Variants in CDH4 observed in about 807,000 individuals in gnomAD.
CDH4 encodes cadherin 4, also known as cadherin-4.
A neutral mutation model predicts 86.0 loss-of-function variants in CDH4; 33 were observed. The observed-to-expected ratio is 0.38, with a 90% CI of 0.29 to 0.51. The LOEUF is 0.51. Among genes scored for constraint, CDH4 ranks in the 20% least tolerant of loss-of-function variants. The pLI is 0.86. For missense variants in CDH4, 1,114 were observed against 1,307.4 expected, an observed-to-expected ratio of 0.85 and a Z score of 2.28; for synonymous variants, 555 against 549.4, an observed-to-expected ratio of 1.01 and a Z score of -0.14.
chr20:61,929,729 A>G lies in CDH4; in HGVS notation c.2126A>G (p.Lys709Arg), dbSNP rs1432739783. The G allele has an allele frequency of 6.2e-7, 1 of 1,614,192 alleles. No homozygotes were observed. The highest frequency in any genetic ancestry group is 1.7e-5 in the Admixed American group (1 of 60,028). The change falls in exon 13 of 16, where the codon AAG becomes AGG. Residue 709 changes from lysine to arginine, a missense_variant. Physicochemically the swap from Lys to Arg is conservative, Grantham distance 26. Transcript: ENST00000614565. ...PLSNTSIIKV[K>R]VCPCDDNGDC... The stretch of plus-strand genomic sequence containing the variant: ...TCCAACACGTCCATCATCAAAGTCA[A>G]GGTGTGCCCATGTGATGACAACGGG...
At chr20:61,694,688 G>A (rs2087697478) in intron 2 of CDH4, among the ~76,000 whole-genome samples, 1 of 152,126 alleles carries the variant, frequency 6.6e-6, no homozygotes, top group South Asian at 2.1e-4. Context: ...CCCCACAGTT[G>A]GACACAGGGG....
At position 61,510,774 on chromosome 20, in the gene CDH4, C is replaced by A. The variant is rs1312739653; in HGVS notation, c.170-232789C>A. Among the ~76,000 whole-genome samples the A allele has an allele frequency of 6.6e-6, 1 of 151,950 alleles. No homozygotes were observed. The highest frequency in any genetic ancestry group is 2.4e-5 in the African/African-American group (1 of 41,312). ...CATTGCTATAAAGAAATACCTGAGA[C>A]TGGGTAATTTATAAAAGAAAGAGGT... is the stretch of plus-strand genomic sequence containing the variant. On this transcript the variant is annotated intron_variant, in intron 2 of 15. Transcript: ENST00000614565. This position sits in a 1 kb window ranked among gnomAD's most constrained non-coding sequence, Gnocchi z 4.2.
intron 2 of CDH4, among the ~76,000 whole-genome samples, chr20:61,346,061 G>A (rs1388713293): frequency 6.6e-6 from 1 of 152,202 alleles, no homozygotes; most frequent in African/African-American, 2.4e-5. Context: ...TGCTCACGCG[G>A]GACAAATTAA....
chr20:61,883,885 AACAG>A (rs1600735676), intron 7 of CDH4, among the ~76,000 whole-genome samples: 2 of 152,174 alleles, frequency 1.3e-5, no homozygotes, highest in East Asian at 3.9e-4. Context: ...GAGACAGAGA[AACAG>A]ACGGACAGAC....
chr20:61,449,244 C>T (rs984303836), intron 2 of CDH4, among the ~76,000 whole-genome samples: 5 of 152,120 alleles, frequency 3.3e-5, no homozygotes, highest in Admixed American at 6.5e-5. Context: ...TTTATCTCCA[C>T]GGGGGGGCCG....
chr20:61,311,520 T>C (rs2084445551), intron 2 of CDH4, among the ~76,000 whole-genome samples: 1 of 152,216 alleles, frequency 6.6e-6, no homozygotes, highest in Non-Finnish European at 1.5e-5. Flanking sequence ...CAGATTCAGA[T>C]ATTTAGTAAA....
intron 2 of CDH4, among the ~76,000 whole-genome samples, chr20:61,620,207 C>T (rs377302548): frequency 0.049 from 258 of 5,246 alleles, no homozygotes; most frequent in South Asian, 0.075. Flanking sequence ...GATGGATGGA[C>T]AGACAGGCAG....
chr20:61,422,588 C>G (rs914618879), intron 2 of CDH4, among the ~76,000 whole-genome samples: 2 of 152,192 alleles, frequency 1.3e-5, no homozygotes, highest in Middle Eastern at 3.4e-3. Context: ...CAGAAATTCT[C>G]TTCTCTCCGT....
At chr20:61,859,364 C>G (rs1010276837) in intron 6 of CDH4, among the ~76,000 whole-genome samples, 1 of 152,180 alleles carries the variant, frequency 6.6e-6, no homozygotes, top group African/African-American at 2.4e-5. Flanking sequence ...CCATCCTCCC[C>G]CCAGGGTCTT....
intron 2 of CDH4, among the ~76,000 whole-genome samples, chr20:61,559,921 G>T (rs1266051469): frequency 6.6e-6 from 1 of 152,124 alleles, no homozygotes; most frequent in Non-Finnish European, 1.5e-5. Flanking sequence ...GGCCTTCCTC[G>T]GAAGAGTGGA....
chr20:61,389,738 G>T (rs898776656), intron 2 of CDH4, among the ~76,000 whole-genome samples: 24 of 152,280 alleles, frequency 1.6e-4, no homozygotes, highest in Middle Eastern at 3.4e-3. Context: ...TGGGGGTGCT[G>T]CGGAACATCC....
chr20:61,634,790 C>T (rs1056367113), intron 2 of CDH4, among the ~76,000 whole-genome samples: 4 of 152,176 alleles, frequency 2.6e-5, no homozygotes, highest in African/African-American at 7.2e-5. Flanking sequence ...AAATTCTGTC[C>T]CCATTAAACA....
intron 2 of CDH4, among the ~76,000 whole-genome samples, chr20:61,524,787 G>C (rs901692135): frequency 2.6e-5 from 4 of 152,112 alleles, no homozygotes; most frequent in African/African-American, 9.7e-5. Flanking sequence ...CTGACCAACT[G>C]TTTCAAAATT....
At chr20:61,467,569 T>C (rs1333386871) in intron 2 of CDH4, among the ~76,000 whole-genome samples, 1 of 152,158 alleles carries the variant, frequency 6.6e-6, no homozygotes. Flanking sequence ...AAATAATATG[T>C]CCCCTTCCAT....
intron 4 of CDH4, among the ~76,000 whole-genome samples, chr20:61,790,589 T>TCCA (rs1979128327): frequency 6.8e-6 from 1 of 148,000 alleles, no homozygotes; most frequent in African/African-American, 2.5e-5. Flanking sequence ...TAACCATTCA[T>TCCA]TCATCCATCC....
chr20:61,359,931 A>T (rs1286650060), intron 2 of CDH4, among the ~76,000 whole-genome samples: 1 of 152,264 alleles, frequency 6.6e-6, no homozygotes, highest in Non-Finnish European at 1.5e-5. Flanking sequence ...AAGTGATCAG[A>T]GAACAGGACT....
intron 2 of CDH4, among the ~76,000 whole-genome samples, chr20:61,686,321 G>A (rs1392427432): frequency 6.6e-6 from 1 of 152,248 alleles, no homozygotes; most frequent in Non-Finnish European, 1.5e-5. Context: ...AAAGACTGGA[G>A]AGAACAAGCC....
chr20:61,713,286 GA>G (rs2087912969), intron 2 of CDH4, among the ~76,000 whole-genome samples: 2 of 152,176 alleles, frequency 1.3e-5, no homozygotes, highest in Non-Finnish European at 2.9e-5. Context: ...TTGCAATGCT[GA>G]GCTTCAAGGT....
At chr20:61,543,374 T>C (rs1023460450) in intron 2 of CDH4, among the ~76,000 whole-genome samples, 5 of 152,246 alleles carry the variant, frequency 3.3e-5, no homozygotes, top group African/African-American at 1.2e-4. Flanking sequence ...CGTGACTCTG[T>C]AAACTATGGT....
Sources: allele counts gnomAD v4.1 joint callset (sites outside exome capture counted in the v4.1 genomes callset), GRCh38; gene constraint gnomAD v4.1.1; non-coding constraint Gnocchi (gnomAD v3.1); transcripts MANE v1.5; gene names NCBI Gene and HGNC (gene_info 2026-07-23, HGNC 2026-07-21).